The following CDH10 variants were observed in gnomAD, a reference collection of about 807,000 sequenced individuals.
The protein encoded by CDH10 is cadherin-10.
A neutral mutation model predicts 73.1 loss-of-function variants in CDH10; 30 were observed. The ratio of observed to expected loss-of-function variants is 0.41; its 90% CI spans 0.31 to 0.56. The LOEUF (loss-of-function observed/expected upper bound fraction) is 0.56. Among genes scored for constraint, CDH10 ranks in the 20% least tolerant of loss-of-function variants. The pLI, the probability that CDH10 is intolerant of heterozygous loss-of-function variation, is 0.27. For synonymous variants in CDH10, 345 were observed against 348.2 expected (o/e 0.99, Z 0.10); for missense variants, 815 against 973.7 (o/e 0.84, Z 2.17).
rs753324374 is a variant in CDH10, at chr5:24,492,853, C to A, written c.1588G>T (p.Ala530Ser). 1 of 1,565,530 alleles carries A rather than the reference C, an allele frequency of 6.4e-7. No homozygotes were observed. Among genetic ancestry groups the A allele is most frequent in the Non-Finnish European group, 8.8e-7 (1 of 1,136,102 alleles). ...TGTACTGTGAAGTTTGGATTGACAG[C>A]AGCTAAACTGAAAAAAAATTTCTGT... ...GGQKFFFSLAAVNPNFTVQDN... is the reference protein window; with the variant it reads ...GGQKFFFSLASVNPNFTVQDN... Residue 530 changes from alanine (A) to serine (S), a missense_variant, in exon 10 of 12, where the codon GCT becomes TCT. Around this residue, in one of 3 missense-constraint regions of CDH10, gnomAD observed 516 missense variants for 636.6 expected, o/e 0.81. Transcript: ENST00000264463.
intron 8 of CDH10, among the ~76,000 whole-genome samples, chr5:24,503,938 T>C (rs962432989): frequency 2.0e-5 from 3 of 152,204 alleles, no homozygotes. Flanking sequence ...AATGGTATCA[T>C]ATGCAACCAG....
At chr5:24,625,996 A>C (rs1318591471) in intron 1 of CDH10, among the ~76,000 whole-genome samples, 2 of 152,110 alleles carry the variant, frequency 1.3e-5, no homozygotes, top group African/African-American at 4.8e-5. Context: ...ATATGAATTA[A>C]TTGTAGAATA....
intron 7 of CDH10, among the ~76,000 whole-genome samples, chr5:24,506,584 A>G (rs1464402762): frequency 6.6e-6 from 1 of 152,202 alleles, no homozygotes; most frequent in African/African-American, 2.4e-5. Context: ...ACAATAAAAC[A>G]TGAAAACACC....
Position 24,509,660 on chromosome 5 carries a change from A to C in CDH10, c.1162T>G (p.Ser388Ala), listed in dbSNP as rs771365060. 1.2e-6 allele frequency: 2 copies of C among 1,613,052 alleles called. No homozygotes were observed. The highest frequency in any genetic ancestry group is 2.2e-5 in the East Asian group (1 of 44,866). Residue 388 changes from serine to alanine, a missense_variant, in exon 7 of 12, where the codon TCC becomes GCC. By Grantham distance (99) the Ser-to-Ala change is moderately conservative. Transcript: ENST00000264463. ...TCTTCATGAACTTCAAACAGATAGG[A>C]GGACCTACTAAAAACAGGAGGTTCA... ...VDEPPVFSRS[S>A]YLFEVHEDIE...
chr5:24,563,642 C>T (rs571121471), intron 2 of CDH10, among the ~76,000 whole-genome samples: 1 of 147,304 alleles, frequency 6.8e-6, no homozygotes, highest in South Asian at 2.2e-4. Context: ...GGCCGGCAGG[C>T]GCCTGTGGTC....
chr5:24,577,860 T>G (rs777154262), intron 2 of CDH10, among the ~76,000 whole-genome samples: 8 of 152,294 alleles, frequency 5.3e-5, no homozygotes, highest in Admixed American at 2.0e-4. Flanking sequence ...CTGAAATCTT[T>G]GTTCAGTGTT....
chr5:24,554,113 G>GAGAGAGAGA (rs1561159206), intron 2 of CDH10: 59 of 1,740 alleles, frequency 0.034, 6 homozygotes, highest in Non-Finnish European at 0.087. Flanking sequence ...GAGGTGGGCG[G>GAGAGAGAGA]GGGGGGGAGA....
At chr5:24,492,574 T>C (rs1283182365) in intron 10 of CDH10, among the ~76,000 whole-genome samples, 1 of 152,204 alleles carries the variant, frequency 6.6e-6, no homozygotes, top group Non-Finnish European at 1.5e-5. Context: ...TCTAATCTTA[T>C]CAAGACACAA....
chr5:24,490,037 T>A (rs574968914), intron 11 of CDH10, among the ~76,000 whole-genome samples: 3 of 152,096 alleles, frequency 2.0e-5, no homozygotes, highest in African/African-American at 7.2e-5. Context: ...ATGCCAGACA[T>A]TTTTTTGTCA....
chr5:24,495,268 C>T (rs1464998341), intron 9 of CDH10, among the ~76,000 whole-genome samples: 1 of 152,054 alleles, frequency 6.6e-6, no homozygotes, highest in African/African-American at 2.4e-5. Context: ...TAGTGATTTC[C>T]AGTATTCATT....
chr5:24,642,725 C>T (rs1748092786), intron 1 of CDH10, among the ~76,000 whole-genome samples: 1 of 152,128 alleles, frequency 6.6e-6, no homozygotes, highest in African/African-American at 2.4e-5. Context: ...CCATTGACTT[C>T]ACACATATGC....
At chr5:24,641,323 T>C (rs1302013178) in intron 1 of CDH10, among the ~76,000 whole-genome samples, 1 of 151,928 alleles carries the variant, frequency 6.6e-6, no homozygotes, top group Non-Finnish European at 1.5e-5. Context: ...TTGTTTGAAA[T>C]TGTTTCTTGT....
chr5:24,545,055 C>T (rs1177899178), intron 2 of CDH10, among the ~76,000 whole-genome samples: 3 of 152,028 alleles, frequency 2.0e-5, no homozygotes, highest in Non-Finnish European at 2.9e-5. Flanking sequence ...ATATAAAACA[C>T]AAAATAGACA....
At chr5:24,511,005 A>G (rs959046566) in intron 6 of CDH10, among the ~76,000 whole-genome samples, 2 of 152,228 alleles carry the variant, frequency 1.3e-5, no homozygotes, top group African/African-American at 4.8e-5. Context: ...ATTATTAGGT[A>G]TTAACTACAC....
intron 5 of CDH10, among the ~76,000 whole-genome samples, chr5:24,520,952 C>T (rs2111813385): frequency 6.8e-6 from 1 of 146,870 alleles, no homozygotes; most frequent in African/African-American, 2.4e-5. Context: ...GGCTCCTGAC[C>T]TCAGGTGATC....
chr5:24,524,619 T>A (rs932109168), intron 5 of CDH10, among the ~76,000 whole-genome samples: 7 of 152,146 alleles, frequency 4.6e-5, no homozygotes, highest in African/African-American at 9.6e-5. Context: ...CTTTTAATGT[T>A]TAGGCAGATA....
chr5:24,553,873 T>C (rs568124936), intron 2 of CDH10: 1 of 152,118 alleles, frequency 6.6e-6, no homozygotes, highest in East Asian at 2.0e-4. Flanking sequence ...TGAAGAAAGA[T>C]GCCTCTGCCT....
intron 2 of CDH10, among the ~76,000 whole-genome samples, chr5:24,539,417 A>C (rs2111905215): frequency 6.6e-6 from 1 of 151,928 alleles, no homozygotes; most frequent in Admixed American, 6.6e-5. Flanking sequence ...TATTTAAAAT[A>C]AATAAAATTT....
At chr5:24,611,380 G>A (rs543768099) in intron 1 of CDH10, among the ~76,000 whole-genome samples, 41 of 152,104 alleles carry the variant, frequency 2.7e-4, no homozygotes, top group African/African-American at 9.9e-4. Flanking sequence ...CCAAGAGTTT[G>A]AGACCAGCCT....
Sources: gnomAD v4.1 joint callset for allele counts (sites outside exome capture counted in the v4.1 genomes callset) on GRCh38, gnomAD v4.1.1 for gene constraint, gnomAD v4.1.1 regional missense constraint, MANE v1.5 for transcripts, NCBI Gene and HGNC (gene_info 2026-07-23, HGNC 2026-07-21) for gene names.